SGCG: variants seen among roughly 807,000 people sequenced by gnomAD.
SGCG encodes gamma-sarcoglycan.
SGCG carries 26 observed loss-of-function variants against 29.3 expected under a neutral mutation model. That is an observed-to-expected ratio of 0.89 (90% confidence interval 0.65 to 1.23). The LOEUF is 1.23. Among genes scored for constraint, SGCG ranks in the 50% most tolerant of loss-of-function variants. The pLI, the probability that SGCG is intolerant of heterozygous loss-of-function variation, is 0.00. For missense variants in SGCG, 353 were observed against 356.0 expected, an observed-to-expected ratio of 0.99 and a Z score of 0.07; for synonymous variants, 145 against 129.7, an observed-to-expected ratio of 1.12 and a Z score of -0.80.
intron 1 of SGCG, among the ~76,000 whole-genome samples, chr13:23,193,533 G>T (rs1191638134): frequency 2.0e-5 from 3 of 151,870 alleles, no homozygotes; most frequent in African/African-American, 7.2e-5. Flanking sequence ...GTGGCAGAGA[G>T]ATTGTGATGG....
chr13:23,264,335 T>A, intron 4 of SGCG, among the ~76,000 whole-genome samples: 1 of 146,086 alleles, frequency 6.8e-6, no homozygotes, highest in Non-Finnish European at 1.5e-5. Context: ...TTTACAATGG[T>A]TACAAAAAAA....
chr13:23,322,319 G>A (rs2137530620), intron 7 of SGCG, among the ~76,000 whole-genome samples: 1 of 152,348 alleles, frequency 6.6e-6, no homozygotes, highest in South Asian at 2.1e-4. Context: ...GGACTTAACA[G>A]ACAGGGCGGT....
At chr13:23,245,484 T>C (rs1236379707) in intron 3 of SGCG, 2 of 151,494 alleles carry the variant, frequency 1.3e-5, no homozygotes, top group Non-Finnish European at 2.9e-5. Flanking sequence ...CCTAGGAGAG[T>C]GTCTCTACTA....
In SGCG at chr13:23,295,395, C is replaced by T. The variant is rs755107670; in HGVS notation, c.506-20C>T. 6.3e-7 allele frequency: 1 copy of T among 1,586,590 alleles called. No individual in the cohort carries two copies. The highest frequency in any genetic ancestry group is 1.1e-5 in the South Asian group (1 of 90,582). ...ACTTATTTTACTTCTGCTCCTGATA[C>T]ATCTTTGTTTTTTGTTTAGGGCCTG... On this transcript the variant is annotated intron_variant, in intron 5 of 7. Coordinates refer to ENST00000218867, the MANE Select transcript of SGCG (RefSeq NM_000231.3).
At chr13:23,215,002 C>A (rs1424175449) in intron 2 of SGCG, among the ~76,000 whole-genome samples, 2 of 152,124 alleles carry the variant, frequency 1.3e-5, no homozygotes, top group African/African-American at 4.8e-5. Context: ...TCTAAAGATA[C>A]AAATAGCACT....
Position 23,265,913 on chromosome 13 carries a change from G to C in SGCG, c.386-13446G>C, listed in dbSNP as rs139531273. Among the ~76,000 whole-genome samples, 1,405 of 152,222 alleles carry C rather than the reference G, an allele frequency of 9.2e-3. 25 individuals are homozygous for C. The highest frequency in any genetic ancestry group is 0.032 in the African/African-American group (1,324 of 41,524). ...TTTAACCTAGCAATCCCACTGCTGG[G>C]TATCTACCCAAAGGAAAAGAAGTCA... On this transcript the variant is annotated intron_variant, in intron 4 of 7. Transcript: ENST00000218867.
rs1425107327 is a variant in SGCG at position 23,285,166 on chromosome 13, G to A, written c.505+5688G>A. On this transcript the variant is annotated intron_variant, in intron 5 of 7. Coordinates refer to ENST00000218867, the MANE Select transcript of SGCG (RefSeq NM_000231.3). ...TGGGAGATCCGCTGCTCTCTTCAGA[G>A]CTGGCAGGCAGGAACATTTAAGTCT... 3.9e-5 allele frequency among the ~76,000 whole-genome samples: 6 copies of A among 152,216 alleles called. No homozygotes were observed. In the South Asian group the frequency reaches 6.2e-4, roughly 16 times the overall value.
At chr13:23,216,250 C>T (rs1454436810) in intron 2 of SGCG, among the ~76,000 whole-genome samples, 1 of 152,078 alleles carries the variant, frequency 6.6e-6, no homozygotes, top group Non-Finnish European at 1.5e-5. Context: ...ACGGGTGTAT[C>T]TATTTATGTC....
rs1374589705 is a variant in SGCG at position 23,234,728 on chromosome 13, G to A, written c.297+16G>A. ...CTCCAGAGTGGTAAGAAAATGTTAA[G>A]ACAAATAATTTGTGCTTTATGAAAA... is the stretch of plus-strand genomic sequence containing the variant. On this transcript the variant is annotated intron_variant, in intron 3 of 7. Coordinates refer to ENST00000218867, the MANE Select transcript of SGCG (RefSeq NM_000231.3). 5 of 1,468,442 alleles carry A rather than the reference G, an allele frequency of 3.4e-6. No homozygotes were observed. The highest frequency in any genetic ancestry group is 2.3e-5 in the East Asian group (1 of 44,142). 91.0% of individuals were successfully genotyped at this position (1,468,442 alleles called of 1,614,324 possible).
rs190935052 is a variant in SGCG at position 23,233,371 on chromosome 13, C to A, written c.196-1240C>A. Among the ~76,000 whole-genome samples the A allele has an allele frequency of 3.3e-3, 498 of 152,266 alleles. 3 individuals are homozygous for A. Among genetic ancestry groups the A allele is most frequent in the African/African-American group, 0.011 (468 of 41,564 alleles). ...ATAAGGTACTTAGAATAATCAAATT[C>A]ATAGAGACAGAAACGCTATAAGATT... On this transcript the variant is annotated intron_variant, in intron 2 of 7. Coordinates refer to ENST00000218867, the MANE Select transcript of SGCG (RefSeq NM_000231.3).
chr13:23,176,660 C>T (rs886093076), upstream of SGCG, among the ~76,000 whole-genome samples: 7 of 151,976 alleles, frequency 4.6e-5, no homozygotes, highest in African/African-American at 1.2e-4. Context: ...GGGCAGCATA[C>T]GGTTGGGTCT....
chr13:23,321,332 A>G (rs1056571292), intron 7 of SGCG, among the ~76,000 whole-genome samples: 1 of 152,190 alleles, frequency 6.6e-6, no homozygotes, highest in Non-Finnish European at 1.5e-5. Context: ...GCCTAAAACC[A>G]CAGAGAGTAC....
rs572390899 is a variant in SGCG at position 23,325,038 on chromosome 13, A to C, written c.*497A>C. On this transcript the variant is annotated 3_prime_UTR_variant, in exon 8 of 8. Transcript: ENST00000218867. Reference sequence around the variant, plus strand: ...GCAAGTAAGTCAGGTTTCACAAGAAAATTTTCAAGTTTTGAAGGGAATTTG... The same window carrying C: ...GCAAGTAAGTCAGGTTTCACAAGAACATTTTCAAGTTTTGAAGGGAATTTG... The C allele has an allele frequency of 3.6e-5, 6 of 165,556 alleles. No homozygotes were observed. The South Asian group carries it at 9.8e-4, about 27-fold the overall frequency. The allele number at this position is 165,556 out of a possible 1,614,324, so 10.3% of individuals were successfully genotyped here.
At chr13:23,248,997 G>GAAAAA (rs147956071) in intron 3 of SGCG, among the ~76,000 whole-genome samples, 25 of 112,858 alleles carry the variant, frequency 2.2e-4, no homozygotes, top group African/African-American at 5.7e-4. Flanking sequence ...TCACAGAAAA[G>GAAAAA]AAAAAAAAAA....
intron 6 of SGCG, among the ~76,000 whole-genome samples, chr13:23,311,526 T>A (rs1034966282): frequency 6.6e-6 from 1 of 152,248 alleles, no homozygotes. Flanking sequence ...GTCACTTTTC[T>A]TCAGCCTTCA....
At chr13:23,276,936 C>A (rs557055175) in intron 4 of SGCG, among the ~76,000 whole-genome samples, 1 of 152,308 alleles carries the variant, frequency 6.6e-6, no homozygotes, top group Non-Finnish European at 1.5e-5. Context: ...TGAGCTATAT[C>A]TCACTCATTT....
intron 2 of SGCG, among the ~76,000 whole-genome samples, chr13:23,204,376 CTATTT>C (rs1397805601): frequency 3.3e-5 from 5 of 152,096 alleles, no homozygotes; most frequent in African/African-American, 1.2e-4. Flanking sequence ...AATTCATATT[CTATTT>C]TAAACATTCT....
intron 6 of SGCG, among the ~76,000 whole-genome samples, chr13:23,302,976 A>G (rs974843551): frequency 3.9e-5 from 6 of 152,228 alleles, no homozygotes; most frequent in Non-Finnish European, 8.8e-5. Context: ...TGTAATGACT[A>G]TCGGCGACAA....
chr13:23,174,152 A>G, the SGCG span, among the ~76,000 whole-genome samples: 1 of 152,196 alleles, frequency 6.6e-6, no homozygotes, highest in African/African-American at 2.4e-5. Context: ...AAGGGAGTAA[A>G]TGAAAGAACA....
Sources: allele counts gnomAD v4.1 joint callset (sites outside exome capture counted in the v4.1 genomes callset), GRCh38; gene constraint gnomAD v4.1.1; transcripts MANE v1.5; gene names NCBI Gene and HGNC (gene_info 2026-07-23, HGNC 2026-07-21).